Variants in DEPDC1B observed in about 807,000 individuals in gnomAD.
DEPDC1B encodes DEP domain containing 1B, also known as DEP domain-containing protein 1B.
Under a neutral mutation model 66.5 loss-of-function variants are expected in DEPDC1B, and 51 were observed. The observed-to-expected ratio is 0.77, with a 90% confidence interval of 0.61 to 0.97. The LOEUF is 0.97. Among genes scored for constraint, DEPDC1B ranks in the 50% least tolerant of loss-of-function variants. The pLI, the probability that DEPDC1B is intolerant of heterozygous loss-of-function variation, is 0.00. For missense variants in DEPDC1B, 552 were observed against 637.1 expected (o/e 0.87, Z 1.44); for synonymous variants, 226 against 223.6 (o/e 1.01, Z -0.10).
At chr5:60,680,188 A>G (rs368657486) in intron 2 of DEPDC1B, among the ~76,000 whole-genome samples, 44 of 152,348 alleles carry the variant, frequency 2.9e-4, no homozygotes, top group African/African-American at 1.1e-3. Context: ...ACCTGGTTCA[A>G]CCATGAGCAC....
At chr5:60,663,176 C>T (rs1386473835) in intron 2 of DEPDC1B, among the ~76,000 whole-genome samples, 1 of 152,048 alleles carries the variant, frequency 6.6e-6, no homozygotes, top group Non-Finnish European at 1.5e-5. Flanking sequence ...GAAGTCTGGG[C>T]AACAAAACGA....
intron 7 of DEPDC1B, among the ~76,000 whole-genome samples, chr5:60,606,219 G>A (rs767270430): frequency 3.3e-5 from 5 of 152,104 alleles, no homozygotes; most frequent in African/African-American, 9.7e-5. Context: ...GAACGTGAAC[G>A]TGTCATCACT....
chr5:60,645,701 G>T, intron 3 of DEPDC1B, 82 bp from the exon 4 acceptor site: 4 of 1,360,502 alleles, frequency 2.9e-6, no homozygotes, highest in South Asian at 1.8e-5. Context: ...TAAGGTGGTG[G>T]GATTTTTATG....
chr5:60,686,905 A>G (rs939087316), intron 2 of DEPDC1B, 57 bp downstream of exon 2: 21 of 1,593,686 alleles, frequency 1.3e-5, no homozygotes, highest in Non-Finnish European at 1.7e-5. Context: ...ACAGACTTGG[A>G]CCAGATTCAC....
At chr5:60,616,885 G>A (rs951387675) in intron 7 of DEPDC1B, among the ~76,000 whole-genome samples, 2 of 152,194 alleles carry the variant, frequency 1.3e-5, no homozygotes, top group Non-Finnish European at 2.9e-5. Flanking sequence ...GGCAGCCAGA[G>A]AGAAAGGTCA....
chr5:60,693,820 T>A (rs1754596476), intron 1 of DEPDC1B, among the ~76,000 whole-genome samples: 1 of 152,106 alleles, frequency 6.6e-6, no homozygotes, highest in Non-Finnish European at 1.5e-5. Flanking sequence ...CATTTATCAT[T>A]AGATTGTTGT....
intron 2 of DEPDC1B, among the ~76,000 whole-genome samples, chr5:60,676,537 T>C (rs1012193779): frequency 6.6e-6 from 1 of 152,176 alleles, no homozygotes; most frequent in African/African-American, 2.4e-5. Flanking sequence ...TTCCACCAAA[T>C]GTATCCCTCA....
rs142916456 is a variant in DEPDC1B, at chr5:60,644,773, C to T, written c.681G>A (p.Gln227=). 4.1e-5 allele frequency: 66 copies of T among 1,596,736 alleles called. No homozygotes were observed. The African/African-American group carries it at 8.8e-4, about 21-fold the overall frequency. The change falls in exon 5 of 11, where the codon CAG becomes CAA. Residue 227 remains glutamine, a synonymous_variant. Transcript: ENST00000265036. Reference sequence around the variant, plus strand: ...ACTTGTCATCAAGAATAACAACTCCCTGCTTGCTAACACTATATACATTAT... The same window carrying T: ...ACTTGTCATCAAGAATAACAACTCCTTGCTTGCTAACACTATATACATTAT... ...IIHNVYSVSK[Q]GVVILDDKSK...
At chr5:60,676,398 T>C (rs80041154) in intron 2 of DEPDC1B, among the ~76,000 whole-genome samples, 2,856 of 152,014 alleles carry the variant, frequency 0.019, 109 homozygotes, top group African/African-American at 0.066. Context: ...AAAAAAATCC[T>C]GAGCTTAAGG....
intron 8 of DEPDC1B, 144 bp downstream of exon 8, chr5:60,605,546 C>T (rs1752291433): frequency 1.3e-6 from 1 of 789,146 alleles, no homozygotes; most frequent in Non-Finnish European, 1.9e-6. Context: ...AGAACAAAAG[C>T]ACGACACAAG....
chr5:60,632,480 C>T (rs978786888), intron 7 of DEPDC1B, among the ~76,000 whole-genome samples: 1 of 152,240 alleles, frequency 6.6e-6, no homozygotes, highest in Non-Finnish European at 1.5e-5. Flanking sequence ...GCCCCCTCTG[C>T]GAAGTCAGGC....
chr5:60,665,731 C>G (rs1318373268), intron 2 of DEPDC1B, among the ~76,000 whole-genome samples: 1 of 152,124 alleles, frequency 6.6e-6, no homozygotes, highest in African/African-American at 2.4e-5. Context: ...ATTTCCTAGG[C>G]CGACTAAGAA....
Position 60,597,916 on chromosome 5 carries a change from T to TA in DEPDC1B, c.1429-3dup. 6.3e-7 allele frequency: 1 copy of TA among 1,587,808 alleles called. No individual in the cohort carries two copies. Among genetic ancestry groups the TA allele is most frequent in the Non-Finnish European group, 8.5e-7 (1 of 1,173,462 alleles). On this transcript the variant is annotated splice_region_variant and splice_polypyrimidine_tract_variant and intron_variant, in intron 10 of 10. Coordinates refer to ENST00000265036, the MANE Select transcript of DEPDC1B (RefSeq NM_018369.3). ...GACTTCAGGATAGGATTTCTGAAAC[T>TA]AAAAAAATGAATGGTCCAAGAAGAG...
chr5:60,604,189 T>G (rs1284938052), intron 8 of DEPDC1B, among the ~76,000 whole-genome samples: 1 of 146,884 alleles, frequency 6.8e-6, no homozygotes, highest in African/African-American at 2.5e-5. Flanking sequence ...ATCAATGTAA[T>G]AATTTCCATA....
chr5:60,620,610 G>C (rs1752678937), intron 7 of DEPDC1B, among the ~76,000 whole-genome samples: 1 of 152,176 alleles, frequency 6.6e-6, no homozygotes. Context: ...ACACCAGTTA[G>C]AATGGCGATC....
chr5:60,611,445 A>T (rs1752412237), intron 7 of DEPDC1B, among the ~76,000 whole-genome samples: 2 of 152,332 alleles, frequency 1.3e-5, no homozygotes, highest in South Asian at 4.1e-4. Flanking sequence ...CTGTCACCTT[A>T]AATCAAAAGA....
intron 2 of DEPDC1B, among the ~76,000 whole-genome samples, chr5:60,657,392 C>G (rs1258280783): frequency 6.6e-6 from 1 of 151,722 alleles, no homozygotes; most frequent in Admixed American, 6.6e-5. Context: ...TTTTATAGGT[C>G]CTGTGAGATT....
At chr5:60,631,194 A>G (rs1040305181) in intron 7 of DEPDC1B, among the ~76,000 whole-genome samples, 1 of 152,198 alleles carries the variant, frequency 6.6e-6, no homozygotes, top group Non-Finnish European at 1.5e-5. Context: ...ACTCAAAAGC[A>G]AGTGAAAACC....
At chr5:60,605,199 C>G (rs898157595) in intron 8 of DEPDC1B, among the ~76,000 whole-genome samples, 22 of 152,086 alleles carry the variant, frequency 1.4e-4, no homozygotes, top group Admixed American at 1.4e-3. Flanking sequence ...GTACAAAGAT[C>G]CAGTGAGACA....
Sources: allele counts gnomAD v4.1 joint callset (sites outside exome capture counted in the v4.1 genomes callset), GRCh38; gene constraint gnomAD v4.1.1; transcripts MANE v1.5; gene names NCBI Gene and HGNC (gene_info 2026-07-23, HGNC 2026-07-21).